The following CYP7B1 variants were observed in gnomAD, a reference collection of about 807,000 sequenced individuals.
The protein encoded by CYP7B1 is cytochrome P450 7B1.
In CYP7B1, 29 loss-of-function variants were observed where a neutral mutation model predicts 42.7. The observed-to-expected ratio is 0.68, with a 90% CI of 0.51 to 0.93. The LOEUF is 0.93. CYP7B1 is among the 40% of genes least tolerant of loss of function. The pLI, the probability that CYP7B1 is intolerant of heterozygous loss-of-function variation, is 0.00. For synonymous variants in CYP7B1, 235 were observed against 218.2 expected, an observed-to-expected ratio of 1.08 and a Z score of -0.68; for missense variants, 655 against 600.5, an observed-to-expected ratio of 1.09 and a Z score of -0.95.
At chr8:64,661,007 T>C in intron 1 of CYP7B1, among the ~76,000 whole-genome samples, 1 of 152,354 alleles carries the variant, frequency 6.6e-6, no homozygotes. Flanking sequence ...GAAAAAACTT[T>C]GAAATTTTCT....
chr8:64,663,168 CTTTA>C (rs1269489626), intron 1 of CYP7B1, among the ~76,000 whole-genome samples: 3 of 152,130 alleles, frequency 2.0e-5, no homozygotes, highest in Admixed American at 1.3e-4. Context: ...AAGATAACTG[CTTTA>C]TTTTCAATGG....
chr8:64,709,260 T>C lies in CYP7B1; in HGVS notation c.123-84721A>G, dbSNP rs542909971. On this transcript the variant is annotated intron_variant, in intron 1 of 5. Coordinates refer to ENST00000310193, the MANE Select transcript of CYP7B1 (RefSeq NM_004820.5). The stretch of plus-strand genomic sequence containing the variant: ...TTAGCTGCAAATGCCAAGCTTCATT[T>C]TCCAAAAAGCTTGATCAACAATAAA... 1.2e-4 allele frequency among the ~76,000 whole-genome samples: 18 copies of C among 152,322 alleles called. No homozygotes were observed. In the South Asian group the frequency reaches 2.3e-3, roughly 19 times the overall value.
At chr8:64,723,043 T>C (rs1807270136) in intron 1 of CYP7B1, among the ~76,000 whole-genome samples, 2 of 152,184 alleles carry the variant, frequency 1.3e-5, no homozygotes, top group South Asian at 2.1e-4. Flanking sequence ...TAATAAACTA[T>C]ACAATCATTA....
intron 2 of CYP7B1, among the ~76,000 whole-genome samples, chr8:64,617,841 AAT>A (rs1305896948): frequency 1.3e-5 from 2 of 151,808 alleles, no homozygotes; most frequent in Non-Finnish European, 2.9e-5. Context: ...GAAACAGATA[AAT>A]ATGTTTTTGT....
At chr8:64,618,714 A>T (rs895135490) in intron 2 of CYP7B1, among the ~76,000 whole-genome samples, 10 of 152,156 alleles carry the variant, frequency 6.6e-5, no homozygotes, top group Admixed American at 6.5e-4. Flanking sequence ...AAGGAATAAA[A>T]GTTGAATGTG....
chr8:64,684,886 C>G (rs1312393341), intron 1 of CYP7B1, among the ~76,000 whole-genome samples: 1 of 152,226 alleles, frequency 6.6e-6, no homozygotes, highest in Non-Finnish European at 1.5e-5. Flanking sequence ...TGAGATACCA[C>G]TTCACATCCA....
At chr8:64,673,054 C>G (rs753378604) in intron 1 of CYP7B1, among the ~76,000 whole-genome samples, 5 of 152,118 alleles carry the variant, frequency 3.3e-5, no homozygotes, top group Admixed American at 6.5e-5. Context: ...CAGACATACA[C>G]ACACACCATA....
intron 1 of CYP7B1, among the ~76,000 whole-genome samples, chr8:64,747,676 A>G (rs1029534744): frequency 2.6e-5 from 4 of 151,760 alleles, no homozygotes; most frequent in Non-Finnish European, 5.9e-5. Context: ...AGGGCAAACT[A>G]TATATGTTAT....
At chr8:64,635,639 A>T (rs4301481) in intron 1 of CYP7B1, among the ~76,000 whole-genome samples, 107,643 of 152,178 alleles carry the variant, frequency 0.71, 38,134 homozygotes, top group Middle Eastern at 0.75. Context: ...AAGCTTTACA[A>T]ATAATGGCAA....
At chr8:64,650,926 C>A (rs1014906846) in intron 1 of CYP7B1, among the ~76,000 whole-genome samples, 5 of 152,096 alleles carry the variant, frequency 3.3e-5, no homozygotes, top group Non-Finnish European at 5.9e-5. Context: ...TGGGCTCAGA[C>A]GAGGCAAATG....
At chr8:64,634,650 C>T (rs550895808) in intron 1 of CYP7B1, among the ~76,000 whole-genome samples, 10 of 151,678 alleles carry the variant, frequency 6.6e-5, no homozygotes, top group Non-Finnish European at 1.5e-4. Flanking sequence ...ACAGAAGGCA[C>T]TGCCTTCTAA....
chr8:64,609,951 C>T (rs1040681163), intron 4 of CYP7B1, among the ~76,000 whole-genome samples: 1 of 152,052 alleles, frequency 6.6e-6, no homozygotes, highest in African/African-American at 2.4e-5. Flanking sequence ...GTCTGCACCC[C>T]AGACCAATGC....
rs537667035 is a variant in CYP7B1, at chr8:64,781,061, A to G, written c.122+17405T>C. Among the ~76,000 whole-genome samples, 7 of 152,296 alleles carry G rather than the reference A, an allele frequency of 4.6e-5. No homozygotes were observed. In the South Asian group the frequency reaches 1.0e-3, roughly 23 times the overall value. The stretch of plus-strand genomic sequence containing the variant: ...GAATCTATGGGTAAGGAACACAGAA[A>G]TCAATGCTAATCTGTGACCCCATGA... On this transcript the variant is annotated intron_variant, in intron 1 of 5. Transcript: ENST00000310193.
chr8:64,615,553 T>G, intron 3 of CYP7B1, 138 bp downstream of exon 3: 1 of 830,994 alleles, frequency 1.2e-6, no homozygotes, highest in Non-Finnish European at 1.9e-6. Flanking sequence ...TAGAGGGTTA[T>G]ATCAGAGTAA....
At chr8:64,603,710 T>C (rs1278457135) in intron 5 of CYP7B1, among the ~76,000 whole-genome samples, 1 of 152,208 alleles carries the variant, frequency 6.6e-6, no homozygotes, top group Admixed American at 6.5e-5. Context: ...ACAGAAACTA[T>C]ATGTACACTC....
At position 64,780,052 on chromosome 8, in the gene CYP7B1, C is replaced by G. The variant is rs375830048; in HGVS notation, c.122+18414G>C. 1.1e-4 allele frequency among the ~76,000 whole-genome samples: 16 copies of G among 152,240 alleles called. 1 individual carries two copies. In the East Asian group the frequency reaches 1.9e-3, roughly 18 times the overall value. On this transcript the variant is annotated intron_variant, in intron 1 of 5. Coordinates refer to ENST00000310193, the MANE Select transcript of CYP7B1 (RefSeq NM_004820.5). ...TGTGTGCAGTTAGGTTTATGCAAAA[C>G]AAGTCGTTACACTAATATGTTCTCC... is the stretch of plus-strand genomic sequence containing the variant.
At chr8:64,798,363 G>C (rs922381433) in intron 1 of CYP7B1, 103 bp downstream of exon 1, 36 of 1,385,722 alleles carry the variant, frequency 2.6e-5, no homozygotes, top group Non-Finnish European at 2.9e-5. Flanking sequence ...AGTTCTGACT[G>C]TCTGCACTGG....
At chr8:64,600,761 G>A (rs1236151353) in intron 5 of CYP7B1, among the ~76,000 whole-genome samples, 1 of 152,096 alleles carries the variant, frequency 6.6e-6, no homozygotes, top group Non-Finnish European at 1.5e-5. Flanking sequence ...CTACAAATCA[G>A]GGCTCAGAGC....
chr8:64,695,346 G>A (rs72656467), intron 1 of CYP7B1, among the ~76,000 whole-genome samples: 1 of 152,254 alleles, frequency 6.6e-6, no homozygotes, highest in Non-Finnish European at 1.5e-5. Flanking sequence ...CAGTAGGTTA[G>A]GATGCAAAAA....
Sources: gnomAD v4.1 joint callset for allele counts (sites outside exome capture counted in the v4.1 genomes callset) on GRCh38, gnomAD v4.1.1 for gene constraint, MANE v1.5 for transcripts, NCBI Gene and HGNC (gene_info 2026-07-23, HGNC 2026-07-21) for gene names.